Variants in CPEB4 observed in about 807,000 individuals in gnomAD.
The protein encoded by CPEB4 is cytoplasmic polyadenylation element binding protein 4, also known as cytoplasmic polyadenylation element-binding protein 4.
Under a neutral mutation model 72.5 loss-of-function variants are expected in CPEB4, and 12 were observed. That is an observed-to-expected ratio of 0.17 (90% CI 0.11 to 0.27). The LOEUF is 0.27. Among genes scored for constraint, CPEB4 ranks in the 10% least tolerant of loss-of-function variants. The probability of loss-of-function intolerance (pLI) is 1.00; values close to 1 mark genes in which losing one functional copy is unlikely to be tolerated. For missense variants in CPEB4, 614 were observed against 908.5 expected (o/e 0.68, Z 4.17); for synonymous variants, 302 against 326.3 (o/e 0.93, Z 0.80).
In CPEB4 at chr5:173,949,984, A is replaced by T. The variant is rs1464370316; in HGVS notation, c.1571A>T (p.Asp524Val). ...GGCTATGCATTCCTGCTGTTTCAAGATGAAAGCTCTGTGCAGGCTCTCATT... is the reference window on the plus strand; with the variant it reads ...GGCTATGCATTCCTGCTGTTTCAAGTTGAAAGCTCTGTGCAGGCTCTCATT... Reference protein sequence around the residue: ...PKGYAFLLFQDESSVQALIDA... With the variant: ...PKGYAFLLFQVESSVQALIDA... Residue 524 changes from aspartate (D) to valine (V), a missense_variant, in exon 7 of 10, where the codon GAT (aspartate) becomes GTT (valine). By Grantham distance (152) the Asp-to-Val change is radical (BLOSUM62 -3). Around this residue, in one of 5 missense-constraint regions of CPEB4, gnomAD observed 25 missense variants for 68.9 expected, o/e 0.36. Coordinates refer to ENST00000265085, the MANE Select transcript of CPEB4 (RefSeq NM_030627.4). 1.2e-6 allele frequency: 2 copies of T among 1,609,792 alleles called. No homozygotes were observed. Among genetic ancestry groups the T allele is most frequent in the African/African-American group, 2.7e-5 (2 of 74,626 alleles).
chr5:173,901,026 G>A (rs1388783537), intron 1 of CPEB4, among the ~76,000 whole-genome samples: 1 of 152,124 alleles, frequency 6.6e-6, no homozygotes, highest in African/African-American at 2.4e-5. Flanking sequence ...GGCAAGATTA[G>A]TATGAACAAA....
At position 173,904,259 on chromosome 5, in the gene CPEB4, A is replaced by G. The variant is rs1016490113; in HGVS notation, c.1126-6264A>G. On this transcript the variant is annotated intron_variant, in intron 1 of 9. Transcript: ENST00000265085. ...AGTGGGATAATAACTGAACATATCT[A>G]ATTGTATCAGGGTTTTGTGAAGAAT... 8.5e-5 allele frequency among the ~76,000 whole-genome samples: 13 copies of G among 152,288 alleles called. No individual in the cohort carries two copies. In the East Asian group the frequency reaches 2.5e-3, roughly 29 times the overall value.
intron 1 of CPEB4, among the ~76,000 whole-genome samples, chr5:173,899,372 C>A (rs1429198522): frequency 6.6e-6 from 1 of 152,052 alleles, no homozygotes; most frequent in African/African-American, 2.4e-5. Flanking sequence ...TAAGAGAAAA[C>A]ATTAAAATTT....
At chr5:173,937,915 T>C (rs1311098286) in intron 3 of CPEB4, among the ~76,000 whole-genome samples, 2 of 152,232 alleles carry the variant, frequency 1.3e-5, no homozygotes, top group East Asian at 3.8e-4. Flanking sequence ...GCCAATGTGA[T>C]AGGAATTTCT....
chr5:173,947,381 G>C (rs564197875), intron 5 of CPEB4, among the ~76,000 whole-genome samples: 12 of 152,220 alleles, frequency 7.9e-5, no homozygotes, highest in African/African-American at 2.9e-4. Context: ...AAGTGGAGGG[G>C]ATGTGTATGA....
At chr5:173,947,660 A>C (rs1758073948) in intron 5 of CPEB4, among the ~76,000 whole-genome samples, 1 of 152,236 alleles carries the variant, frequency 6.6e-6, no homozygotes, top group Non-Finnish European at 1.5e-5. Flanking sequence ...ATATGAACTC[A>C]TTAGTTTTTG....
At chr5:173,921,628 G>A (rs1039171234) in intron 2 of CPEB4, among the ~76,000 whole-genome samples, 1 of 152,176 alleles carries the variant, frequency 6.6e-6, no homozygotes, top group African/African-American at 2.4e-5. Context: ...GACGAGATGG[G>A]TGCACTCCGT....
At chr5:173,934,054 A>G (rs769309471) in intron 3 of CPEB4, among the ~76,000 whole-genome samples, 2 of 152,146 alleles carry the variant, frequency 1.3e-5, no homozygotes, top group African/African-American at 2.4e-5. Flanking sequence ...GTGTGGTGGC[A>G]CATGCTTGTA....
In CPEB4 at chr5:173,900,162, G is replaced by T. The variant is rs1756174230; in HGVS notation, c.1125+9304G>T. Among the ~76,000 whole-genome samples the T allele has an allele frequency of 6.6e-6, 1 of 152,134 alleles. No homozygotes were observed. Among genetic ancestry groups the T allele is most frequent in the South Asian group, 2.1e-4 (1 of 4,814 alleles). ...GGCTCACGCCTGTAATCCCAGCACT[G>T]CGAGAGGCTGAGGTGGGCGGATCAC... On this transcript the variant is annotated intron_variant, in intron 1 of 9. Transcript: ENST00000265085. This position sits in a 1 kb window ranked among gnomAD's most constrained non-coding sequence, Gnocchi z 4.4.
intron 1 of CPEB4, among the ~76,000 whole-genome samples, chr5:173,893,858 TC>T (rs1187706923): frequency 2.0e-5 from 3 of 152,102 alleles, no homozygotes; most frequent in Admixed American, 6.5e-5. Flanking sequence ...TTCATAATCC[TC>T]CCCCCCAATA....
intron 1 of CPEB4, among the ~76,000 whole-genome samples, chr5:173,902,872 A>G (rs986737731): frequency 1.1e-4 from 17 of 152,202 alleles, no homozygotes; most frequent in Admixed American, 8.5e-4. Flanking sequence ...GTCCAAAGGG[A>G]CCAGTATATA....
In CPEB4 at chr5:173,921,174, T is replaced by C. The variant is rs534166072; in HGVS notation, c.1207+10570T>C. 2.6e-5 allele frequency among the ~76,000 whole-genome samples: 4 copies of C among 152,350 alleles called. No homozygotes were observed. In the South Asian group the frequency reaches 8.3e-4, roughly 32 times the overall value. The stretch of plus-strand genomic sequence containing the variant: ...AGGTGTTGCTGAGTTCATAGTAGCC[T>C]TCTGATATTAAGATTTTTTTTTGTT... On this transcript the variant is annotated intron_variant, in intron 2 of 9. Transcript: ENST00000265085.
At position 173,950,136 on chromosome 5, in the gene CPEB4, T is replaced by C. The variant is rs1300376243; in HGVS notation, c.1665+58T>C. The C allele has an allele frequency of 1.9e-6, 2 of 1,029,226 alleles. No individual in the cohort carries two copies. The highest frequency in any genetic ancestry group is 3.3e-5 in the African/African-American group (2 of 61,460). 63.8% of individuals were successfully genotyped at this position (1,029,226 alleles called of 1,614,324 possible). A position where few individuals can be genotyped will look rare whatever the true frequency, so the allele number is the denominator to read the frequency against. On this transcript the variant is annotated intron_variant, in intron 7 of 9. Transcript: ENST00000265085. This position sits in a 1 kb window ranked among gnomAD's most constrained non-coding sequence, Gnocchi z 5.0. ...TTTTTGCCTCCATTCATCTGTTATATTTGAAAAACCCATAGACAACTTGAT... is the reference window on the plus strand; with the variant it reads ...TTTTTGCCTCCATTCATCTGTTATACTTGAAAAACCCATAGACAACTTGAT...
intron 9 of CPEB4, among the ~76,000 whole-genome samples, chr5:173,954,866 T>A (rs1486714169): frequency 6.6e-6 from 1 of 152,340 alleles, no homozygotes; most frequent in East Asian, 1.9e-4. Flanking sequence ...AGAAGCCCAG[T>A]GCTCTCCTTA....
In CPEB4 at chr5:173,889,672, A is replaced by G; in HGVS notation, c.-62A>G. 7.0e-7 allele frequency: 1 copy of G among 1,431,358 alleles called. No individual in the cohort carries two copies. The highest frequency in any genetic ancestry group is 9.4e-7 in the Non-Finnish European group (1 of 1,060,080). 88.7% of individuals were successfully genotyped at this position (1,431,358 alleles called of 1,614,324 possible). A position where few individuals can be genotyped will look rare whatever the true frequency, so the allele number is the denominator to read the frequency against. ...AACTTAAATTTGGGGTAGAGGAAAA[A>G]AAAGGCGTGAGACATCAGGTTGTCA... On this transcript the variant is annotated 5_prime_UTR_variant, in exon 1 of 10. Coordinates refer to ENST00000265085, the MANE Select transcript of CPEB4 (RefSeq NM_030627.4).
At chr5:173,917,224 C>A (rs1177527425) in intron 2 of CPEB4, among the ~76,000 whole-genome samples, 2 of 152,032 alleles carry the variant, frequency 1.3e-5, no homozygotes, top group African/African-American at 4.8e-5. Flanking sequence ...AAAATAGGTT[C>A]TGTTGCTTTA....
At chr5:173,914,711 G>A (rs770665244) in intron 2 of CPEB4, among the ~76,000 whole-genome samples, 2 of 152,080 alleles carry the variant, frequency 1.3e-5, no homozygotes, top group African/African-American at 4.8e-5. Context: ...AGCCGAGATC[G>A]GGCCACTGCA....
intron 1 of CPEB4, among the ~76,000 whole-genome samples, chr5:173,909,377 T>C (rs926210707): frequency 6.6e-6 from 1 of 152,166 alleles, no homozygotes; most frequent in African/African-American, 2.4e-5. Context: ...CACGTTGCAT[T>C]GGGGGCAGGG....
rs891153429 is a variant in CPEB4 at position 173,960,053 on chromosome 5, G to T, written c.*3916G>T. 6.6e-6 allele frequency: 1 copy of T among 152,550 alleles called. No homozygotes were observed. Among genetic ancestry groups the T allele is most frequent in the Non-Finnish European group, 1.5e-5 (1 of 67,990 alleles). The allele number at this position is 152,550 out of a possible 1,614,324, so 9.4% of individuals were successfully genotyped here. On this transcript the variant is annotated 3_prime_UTR_variant, in exon 10 of 10. Transcript: ENST00000265085. ...AGTTTTTACTGTGTATGGGGAGGTT[G>T]TAGTATTTATTATAGCATTTTAAAT...
Sources: gnomAD v4.1 joint callset for allele counts (sites outside exome capture counted in the v4.1 genomes callset) on GRCh38, gnomAD v4.1.1 for gene constraint, gnomAD v4.1.1 regional missense constraint, Gnocchi (gnomAD v3.1) non-coding constraint, MANE v1.5 for transcripts, NCBI Gene and HGNC (gene_info 2026-07-23, HGNC 2026-07-21) for gene names.